Variants in RHOJ observed in about 807,000 individuals in gnomAD.
RHOJ encodes rho-related GTP-binding protein RhoJ.
Under a neutral mutation model 23.4 loss-of-function variants are expected in RHOJ, and 11 were observed. That is an observed-to-expected ratio of 0.47 (90% confidence interval 0.30 to 0.78). The LOEUF (loss-of-function observed/expected upper bound fraction) is 0.78, where lower values mean the gene tolerates loss of function less well. RHOJ is among the 30% of genes least tolerant of loss of function. The pLI, the probability that RHOJ is intolerant of heterozygous loss-of-function variation, is 0.08. For missense variants in RHOJ, 254 were observed against 273.4 expected, an observed-to-expected ratio of 0.93 and a Z score of 0.50; for synonymous variants, 102 against 102.7, an observed-to-expected ratio of 0.99 and a Z score of 0.04.
Position 63,290,862 on chromosome 14 carries a change from C to T in RHOJ, c.499-16C>T, listed in dbSNP as rs1242007669. 1 of 1,597,482 alleles carries T rather than the reference C, an allele frequency of 6.3e-7. No individual in the cohort carries two copies. Among genetic ancestry groups the T allele is most frequent in the African/African-American group, 1.3e-5 (1 of 74,086 alleles). ...TCTTTTTTATCTCTCATGCCTTTCT[C>T]TCTTTTGTGTTTAAGATCGGAGCAC... On this transcript the variant is annotated splice_polypyrimidine_tract_variant and intron_variant, in intron 4 of 4. Coordinates refer to ENST00000316754, the MANE Select transcript of RHOJ (RefSeq NM_020663.5).
At chr14:63,229,509 T>G (rs979598203) in intron 1 of RHOJ, among the ~76,000 whole-genome samples, 11 of 152,138 alleles carry the variant, frequency 7.2e-5, no homozygotes, top group South Asian at 4.1e-4. Context: ...TTTGCAGAAT[T>G]CATTTCCTTG....
chr14:63,266,108 G>A (rs945018505), intron 1 of RHOJ, among the ~76,000 whole-genome samples: 2 of 152,108 alleles, frequency 1.3e-5, no homozygotes, highest in African/African-American at 4.8e-5. Context: ...AATTTTCTAT[G>A]GACTGTAGAC....
chr14:63,262,373 C>A (rs1436446625), intron 1 of RHOJ, among the ~76,000 whole-genome samples: 1 of 152,160 alleles, frequency 6.6e-6, no homozygotes. Context: ...CATACCAAGT[C>A]ACAAAATTAA....
chr14:63,238,056 C>T (rs1894820472), intron 1 of RHOJ, among the ~76,000 whole-genome samples: 1 of 152,210 alleles, frequency 6.6e-6, no homozygotes, highest in South Asian at 2.1e-4. Context: ...GCCTTGATTT[C>T]CACCAGCAGT....
intron 1 of RHOJ, among the ~76,000 whole-genome samples, chr14:63,228,455 CAG>C (rs558325203): frequency 1.2e-3 from 185 of 152,086 alleles, no homozygotes; most frequent in Non-Finnish European, 2.3e-3. Context: ...TATCTAAGAA[CAG>C]GGGACTGATT....
chr14:63,235,736 T>C lies in RHOJ; in HGVS notation c.178+30689T>C, dbSNP rs189456523. The stretch of plus-strand genomic sequence containing the variant: ...GTCCCTTCTGCTGCAACACACACTA[T>C]TTCAAACTGATAAGGTCATTTAGTA... On this transcript the variant is annotated intron_variant, in intron 1 of 4. Transcript: ENST00000316754. Among the ~76,000 whole-genome samples the C allele has an allele frequency of 1.2e-3, 176 of 152,328 alleles. 4 individuals carry two copies. The highest frequency in any genetic ancestry group is 0.012 in the Admixed American group (176 of 15,298).
At position 63,243,775 on chromosome 14, in the gene RHOJ, A is replaced by G. The variant is rs542808195; in HGVS notation, c.179-25335A>G. On this transcript the variant is annotated intron_variant, in intron 1 of 4. Coordinates refer to ENST00000316754, the MANE Select transcript of RHOJ (RefSeq NM_020663.5). Reference sequence around the variant, plus strand: ...TCAGAGAGTGAGGAAGGCTTAACTCATGACTCCTTTAAACACGTTATGCGT... The same window carrying G: ...TCAGAGAGTGAGGAAGGCTTAACTCGTGACTCCTTTAAACACGTTATGCGT... 3.9e-5 allele frequency among the ~76,000 whole-genome samples: 6 copies of G among 152,340 alleles called. No individual in the cohort carries two copies. The East Asian group carries it at 9.6e-4, about 24-fold the overall frequency.
intron 2 of RHOJ, among the ~76,000 whole-genome samples, chr14:63,270,074 T>A (rs1895439519): frequency 6.6e-6 from 1 of 152,110 alleles, no homozygotes; most frequent in Non-Finnish European, 1.5e-5. Flanking sequence ...TCCAAATTCA[T>A]ACATCTTAAA....
intron 4 of RHOJ, among the ~76,000 whole-genome samples, chr14:63,285,352 C>G (rs369683685): frequency 5.9e-5 from 9 of 152,270 alleles, no homozygotes; most frequent in African/African-American, 2.2e-4. Context: ...TGAAAAGAAA[C>G]CTTTAGGTTT....
rs137943517 is a variant in RHOJ at position 63,281,254 on chromosome 14, C to G, written c.402+119C>G. The G allele has an allele frequency of 3.6e-4, 345 of 958,136 alleles. No homozygotes were observed. In the African/African-American group the frequency reaches 5.0e-3, roughly 14 times the overall value. The allele number at this position is 958,136 out of a possible 1,614,324, so 59.4% of individuals were successfully genotyped here. ...GGAAGTGTGTCTCAGACATGTCAAT[C>G]CTATGAACAGAAGTTCTTAAGGTGT... On this transcript the variant is annotated intron_variant, in intron 3 of 4. Transcript: ENST00000316754.
intron 1 of RHOJ, among the ~76,000 whole-genome samples, chr14:63,206,902 T>G (rs1894122457): frequency 6.6e-6 from 1 of 152,248 alleles, no homozygotes; most frequent in African/African-American, 2.4e-5. Flanking sequence ...CATGGTTACT[T>G]TGATGTACAC....
intron 1 of RHOJ, among the ~76,000 whole-genome samples, chr14:63,209,544 A>C (rs1024468652): frequency 4.0e-5 from 6 of 151,290 alleles, no homozygotes; most frequent in African/African-American, 1.5e-4. Context: ...GTGTGCTTGC[A>C]CACACACACA....
chr14:63,251,725 T>C (rs1047303027), intron 1 of RHOJ, among the ~76,000 whole-genome samples: 2 of 152,240 alleles, frequency 1.3e-5, no homozygotes, highest in African/African-American at 4.8e-5. Context: ...ATTGACTTAA[T>C]AACATTTATT....
chr14:63,212,012 C>G (rs543065877), intron 1 of RHOJ, among the ~76,000 whole-genome samples: 1 of 152,326 alleles, frequency 6.6e-6, no homozygotes, highest in East Asian at 1.9e-4. Flanking sequence ...ATGTGATGCT[C>G]CTGAGCAGGT....
At chr14:63,239,601 T>C (rs1268101951) in intron 1 of RHOJ, among the ~76,000 whole-genome samples, 1 of 152,228 alleles carries the variant, frequency 6.6e-6, no homozygotes, top group Non-Finnish European at 1.5e-5. Flanking sequence ...AAATTGTTGC[T>C]GAAAGTTGCT....
intron 1 of RHOJ, among the ~76,000 whole-genome samples, chr14:63,231,214 A>G (rs1894689359): frequency 6.6e-6 from 1 of 152,100 alleles, no homozygotes; most frequent in Non-Finnish European, 1.5e-5. Flanking sequence ...AATTATTTTT[A>G]TGTTAGTTCT....
At chr14:63,249,416 G>C (rs890757284) in intron 1 of RHOJ, among the ~76,000 whole-genome samples, 1 of 152,192 alleles carries the variant, frequency 6.6e-6, no homozygotes, top group African/African-American at 2.4e-5. Flanking sequence ...ATTTAGAGGT[G>C]AAACCTTTTG....
chr14:63,293,057 G>A lies in RHOJ; in HGVS notation c.*2033G>A, dbSNP rs1439401327. ...CACACTCCAGTGACTGGAAAAACGG[G>A]AGTTTTCAGTCAAAGCTTGACATTT... On this transcript the variant is annotated 3_prime_UTR_variant, in exon 5 of 5. Transcript: ENST00000316754. 2 of 151,960 alleles carry A rather than the reference G, an allele frequency of 1.3e-5. No individual in the cohort carries two copies. The highest frequency in any genetic ancestry group is 2.9e-5 in the Non-Finnish European group (2 of 68,010). The allele number at this position is 151,960 out of a possible 1,614,324, so 9.4% of individuals were successfully genotyped here.
intron 1 of RHOJ, among the ~76,000 whole-genome samples, chr14:63,252,868 C>T (rs917021695): frequency 1.3e-5 from 2 of 152,162 alleles, no homozygotes; most frequent in African/African-American, 4.8e-5. Flanking sequence ...CCACTTCGGC[C>T]TTCCCAGTAA....
Sources: allele counts gnomAD v4.1 joint callset (sites outside exome capture counted in the v4.1 genomes callset), GRCh38; gene constraint gnomAD v4.1.1; transcripts MANE v1.5; gene names NCBI Gene and HGNC (gene_info 2026-07-23, HGNC 2026-07-21).